Variants in ABHD17B observed in about 807,000 individuals in gnomAD.
The protein encoded by ABHD17B is alpha/beta hydrolase domain-containing protein 17B.
A neutral mutation model predicts 26.2 loss-of-function variants in ABHD17B; 9 were observed. The observed-to-expected ratio is 0.34, with a 90% CI of 0.21 to 0.60. The LOEUF (loss-of-function observed/expected upper bound fraction) is 0.60, where lower values mean the gene tolerates loss of function less well. Among genes scored for constraint, ABHD17B ranks in the 20% least tolerant of loss-of-function variants. ABHD17B has a pLI of 0.80. For missense variants in ABHD17B, 224 were observed against 352.1 expected (o/e 0.64, Z 2.91); for synonymous variants, 127 against 122.3 (o/e 1.04, Z -0.25).
At chr9:71,896,791 GA>G (rs200293718) in intron 1 of ABHD17B, among the ~76,000 whole-genome samples, 1 of 152,228 alleles carries the variant, frequency 6.6e-6, no homozygotes, top group East Asian at 1.9e-4. Context: ...GGGAAAATGG[GA>G]TAAATGGACA....
At chr9:71,871,967 T>C (rs983386928) in intron 2 of ABHD17B, among the ~76,000 whole-genome samples, 2 of 152,218 alleles carry the variant, frequency 1.3e-5, no homozygotes, top group African/African-American at 2.4e-5. Context: ...CATTCCAATG[T>C]TCATTCATCC....
At chr9:71,906,570 T>G (rs529446219) in intron 1 of ABHD17B, among the ~76,000 whole-genome samples, 1 of 152,220 alleles carries the variant, frequency 6.6e-6, no homozygotes, top group African/African-American at 2.4e-5. Context: ...AATGTCCCAG[T>G]GCTTTGGGAT....
At chr9:71,900,130 T>A (rs1015036951) in intron 1 of ABHD17B, among the ~76,000 whole-genome samples, 1 of 152,222 alleles carries the variant, frequency 6.6e-6, no homozygotes, top group South Asian at 2.1e-4. Flanking sequence ...TAAGATTGCC[T>A]TTTCTATCCT....
intron 1 of ABHD17B, among the ~76,000 whole-genome samples, chr9:71,892,131 A>G (rs1316467037): frequency 6.6e-6 from 1 of 152,228 alleles, no homozygotes; most frequent in African/African-American, 2.4e-5. Flanking sequence ...CTTTGTAACT[A>G]AGATGTTCTC....
At chr9:71,870,429 T>C (rs11143025) in intron 2 of ABHD17B, among the ~76,000 whole-genome samples, 167 bp from the exon 3 acceptor site, 1 of 152,254 alleles carries the variant, frequency 6.6e-6, no homozygotes, top group African/African-American at 2.4e-5. Flanking sequence ...CAATAAAGTC[T>C]GTATCATCAG....
intron 1 of ABHD17B, among the ~76,000 whole-genome samples, chr9:71,903,695 G>A (rs979799873): frequency 6.6e-6 from 1 of 152,228 alleles, no homozygotes; most frequent in Non-Finnish European, 1.5e-5. Context: ...ACAAATGACT[G>A]TATGTTAACA....
chr9:71,885,320 C>T (rs144024815), intron 1 of ABHD17B, among the ~76,000 whole-genome samples: 3 of 151,846 alleles, frequency 2.0e-5, no homozygotes, highest in East Asian at 1.9e-4. Flanking sequence ...ATTAGCCAGG[C>T]GTGGAGGCGT....
intron 1 of ABHD17B, among the ~76,000 whole-genome samples, chr9:71,877,481 G>A (rs6560239): frequency 0.92 from 140,654 of 152,264 alleles, 65,897 homozygotes; most frequent in East Asian, 1. Flanking sequence ...GCAGTGGTGC[G>A]ATCTTGGCTC....
At chr9:71,883,342 T>A (rs1235101281) in intron 1 of ABHD17B, among the ~76,000 whole-genome samples, 1 of 151,952 alleles carries the variant, frequency 6.6e-6, no homozygotes, top group African/African-American at 2.4e-5. Context: ...AAAGACAGAG[T>A]GGTGCTGGTA....
chr9:71,875,062 T>C lies in ABHD17B; in HGVS notation c.19A>G (p.Ser7Gly). The change falls in exon 2 of 4, where the codon AGT (serine) becomes GGT (glycine). Residue 7 changes from serine (S) to glycine (G), a missense_variant. Ser to Gly is a moderately conservative substitution (Grantham distance 56). Coordinates refer to ENST00000333421, the MANE Select transcript of ABHD17B (RefSeq NM_001025780.3). The stretch of plus-strand genomic sequence containing the variant: ...CAGCAGAAGAGGCAACATAGCTCAC[T>C]AAATGAAAGATTATTCATGCTCTGA... MNNLSFSELCCLFCCPP... is the reference protein window; with the variant it reads MNNLSFGELCCLFCCPP... 1 of 1,607,234 alleles carries C rather than the reference T, an allele frequency of 6.2e-7. No individual in the cohort carries two copies. Among genetic ancestry groups the C allele is most frequent in the African/African-American group, 1.3e-5 (1 of 74,934 alleles).
chr9:71,874,060 T>C (rs1421548130), intron 2 of ABHD17B, among the ~76,000 whole-genome samples: 1 of 152,246 alleles, frequency 6.6e-6, no homozygotes, highest in African/African-American at 2.4e-5. Context: ...AGTGAATAAT[T>C]AGCTATGTCA....
chr9:71,887,268 G>GT (rs1455737243), intron 1 of ABHD17B, among the ~76,000 whole-genome samples: 2 of 152,096 alleles, frequency 1.3e-5, no homozygotes, highest in African/African-American at 4.8e-5. Context: ...CAGTTCTAGT[G>GT]TAAGTTGTGA....
At chr9:71,898,234 T>C (rs956468463) in intron 1 of ABHD17B, among the ~76,000 whole-genome samples, 4 of 152,026 alleles carry the variant, frequency 2.6e-5, no homozygotes, top group Non-Finnish European at 5.9e-5. Context: ...TAGAACTTCA[T>C]TTAGATATGA....
chr9:71,887,370 G>C (rs1208059206), intron 1 of ABHD17B, among the ~76,000 whole-genome samples: 1 of 152,054 alleles, frequency 6.6e-6, no homozygotes, highest in East Asian at 1.9e-4. Flanking sequence ...GAAAATTAAG[G>C]GTAAAGAGTC....
intron 3 of ABHD17B, 27 bp downstream of exon 3, chr9:71,870,056 T>G (rs565701882): frequency 6.4e-7 from 1 of 1,570,574 alleles, no homozygotes; most frequent in Admixed American, 2.0e-5. Flanking sequence ...TTCTTGGAAT[T>G]TAACTATTTT....
At chr9:71,880,785 A>T (rs1308746266) in intron 1 of ABHD17B, among the ~76,000 whole-genome samples, 2 of 152,120 alleles carry the variant, frequency 1.3e-5, no homozygotes, top group Non-Finnish European at 2.9e-5. Flanking sequence ...AAATAAGAAC[A>T]TTAAAAAATG....
intron 2 of ABHD17B, among the ~76,000 whole-genome samples, chr9:71,874,175 T>A (rs1014403949): frequency 7.5e-6 from 1 of 133,986 alleles, no homozygotes; most frequent in African/African-American, 2.7e-5. Context: ...TCACTGGATT[T>A]AATTTTTTTT....
intron 1 of ABHD17B, among the ~76,000 whole-genome samples, chr9:71,887,093 T>G (rs7871375): frequency 6.6e-6 from 1 of 152,032 alleles, no homozygotes; most frequent in African/African-American, 2.4e-5. Flanking sequence ...CCTTAATAAT[T>G]TGAGTTTAGA....
At chr9:71,862,669 G>A, downstream of ABHD17B, 1 of 778,170 alleles carries the variant, frequency 1.3e-6, no homozygotes, top group Non-Finnish European at 2.2e-6. Flanking sequence ...AGTTTATGTG[G>A]CTTTCCATAA....
Sources: allele counts gnomAD v4.1 joint callset (sites outside exome capture counted in the v4.1 genomes callset), GRCh38; gene constraint gnomAD v4.1.1; transcripts MANE v1.5; gene names NCBI Gene and HGNC (gene_info 2026-07-23, HGNC 2026-07-21).